AMOTL1: variants seen among roughly 807,000 people sequenced by gnomAD.
The protein encoded by AMOTL1 is angiomotin like 1, also known as angiomotin-like protein 1.
A neutral mutation model predicts 102.9 loss-of-function variants in AMOTL1; 45 were observed. The ratio of observed to expected loss-of-function variants is 0.44; its 90% CI spans 0.34 to 0.56. AMOTL1 has a LOEUF of 0.56. Among genes scored for constraint, AMOTL1 ranks in the 20% least tolerant of loss-of-function variants. AMOTL1 has a pLI of 0.01. For missense variants in AMOTL1, 1,114 were observed against 1,225.6 expected (o/e 0.91, Z 1.36); for synonymous variants, 481 against 484.7 (o/e 0.99, Z 0.10).
chr11:94,768,335 G>GGGAGCGC (rs1950883788), upstream of AMOTL1: 31 of 1,365,002 alleles, frequency 2.3e-5, 1 homozygote, highest in South Asian at 4.6e-4. Flanking sequence ...GCGGGGAGCG[G>GGGAGCGC]GGAGCGCGGA....
intron 1 of AMOTL1, among the ~76,000 whole-genome samples, chr11:94,782,041 A>G (rs1286500253): frequency 6.6e-6 from 1 of 152,072 alleles, no homozygotes; most frequent in Non-Finnish European, 1.5e-5. Flanking sequence ...TCTTTTTAAC[A>G]TCCTGTGTGA....
chr11:94,795,078 C>T lies in AMOTL1; in HGVS notation c.117C>T (p.Ser39=), dbSNP rs764419110. 2.0e-5 allele frequency: 33 copies of T among 1,613,714 alleles called. No individual in the cohort carries two copies. The South Asian group carries it at 3.3e-4, about 16-fold the overall frequency. Residue 39 remains serine, a synonymous_variant, in exon 2 of 13, where the codon TCC becomes TCT. Coordinates refer to ENST00000433060, the MANE Select transcript of AMOTL1 (RefSeq NM_130847.3). Reference sequence around the variant, plus strand: ...TTCTAGAAGACTCCACCTACTTTTCCCCAGACTTTCAGCTCTATTCTGGGA... The same window carrying T: ...TTCTAGAAGACTCCACCTACTTTTCTCCAGACTTTCAGCTCTATTCTGGGA... ...VQVLEDSTYF[S]PDFQLYSGRH...
chr11:94,853,645 A>G (rs944419036), intron 7 of AMOTL1, among the ~76,000 whole-genome samples: 1 of 152,238 alleles, frequency 6.6e-6, no homozygotes, highest in Non-Finnish European at 1.5e-5. Flanking sequence ...TGCAGAAATT[A>G]TTAAGCAATA....
In AMOTL1 at chr11:94,741,096, A is replaced by G. The variant is rs189193118; in HGVS notation, c.136+108A>G. The G allele has an allele frequency of 1.3e-3, 1,199 of 936,600 alleles. 23 individuals carry two copies. In the African/African-American group the frequency reaches 0.019, roughly 15 times the overall value. The allele number at this position is 936,600 out of a possible 1,614,324, so 58.0% of individuals were successfully genotyped here. On this transcript the variant is annotated intron_variant, in intron 3 of 4. Coordinates refer to the AMOTL1 transcript ENST00000299004. Reference sequence around the variant, plus strand: ...CAGCTAGGGATGGGGCTGGGGTTGGAGGGCGGAGGGAAAGGGTCAGGGGAC... The same window carrying G: ...CAGCTAGGGATGGGGCTGGGGTTGGGGGGCGGAGGGAAAGGGTCAGGGGAC...
chr11:94,816,744 C>A (rs911547485), intron 3 of AMOTL1, among the ~76,000 whole-genome samples: 7 of 152,064 alleles, frequency 4.6e-5, no homozygotes, highest in African/African-American at 1.7e-4. Context: ...CAGTCTTAAA[C>A]CCTGACAGCA....
intron 1 of AMOTL1, among the ~76,000 whole-genome samples, chr11:94,787,527 A>C (rs1951210531): frequency 6.6e-6 from 1 of 151,766 alleles, no homozygotes; most frequent in African/African-American, 2.4e-5. Flanking sequence ...GTCTTTACTA[A>C]AAATACAAAA....
In AMOTL1 at chr11:94,821,390, C is replaced by T. The variant is rs1000975832; in HGVS notation, c.1122-140C>T. 5.2e-5 allele frequency: 45 copies of T among 857,460 alleles called. No homozygotes were observed. In the African/African-American group the frequency reaches 7.2e-4, roughly 14 times the overall value. 53.1% of individuals were successfully genotyped at this position (857,460 alleles called of 1,614,324 possible). A position where few individuals can be genotyped will look rare whatever the true frequency, so the allele number is the denominator to read the frequency against. On this transcript the variant is annotated intron_variant, in intron 3 of 12. Transcript: ENST00000433060. ...GGAATGGTGCCAATTGAGATGGGAG[C>T]ACAGTGAATACCTCCCACTGGGAAG...
Position 94,801,378 on chromosome 11 carries a change from G to A in AMOTL1, c.1121+1067G>A, listed in dbSNP as rs572291414. Among the ~76,000 whole-genome samples the A allele has an allele frequency of 1.2e-4, 18 of 152,268 alleles. No individual in the cohort carries two copies. In the South Asian group the frequency reaches 1.5e-3, roughly 12 times the overall value. ...TGTTTGGACAGGGAAGTTGGGACCC[G>A]TTTGGTTGAGGTATGTTTGGACAGG... On this transcript the variant is annotated intron_variant, in intron 3 of 12. Transcript: ENST00000433060.
At chr11:94,797,514 A>G (rs188764879) in intron 2 of AMOTL1, among the ~76,000 whole-genome samples, 74 of 152,354 alleles carry the variant, frequency 4.9e-4, no homozygotes, top group African/African-American at 1.6e-3. Flanking sequence ...TCTTGTATAA[A>G]TAAATAATTG....
intron 1 of AMOTL1, among the ~76,000 whole-genome samples, chr11:94,782,217 A>G (rs1415775340): frequency 6.6e-6 from 1 of 152,226 alleles, no homozygotes; most frequent in African/African-American, 2.4e-5. Flanking sequence ...CATTTGGTAG[A>G]TATTTTCTCC....
intron 2 of AMOTL1, chr11:94,796,866 C>T: frequency 2.3e-6 from 1 of 428,768 alleles, no homozygotes; most frequent in South Asian, 9.9e-5. Context: ...TGGCATATGT[C>T]TATTTACATA....
chr11:94,750,879 G>A (rs73530039), intron 3 of AMOTL1, among the ~76,000 whole-genome samples: 2 of 152,150 alleles, frequency 1.3e-5, no homozygotes, highest in African/African-American at 2.4e-5. Flanking sequence ...GATTAATCTT[G>A]TTGGGCACAT....
At chr11:94,730,635 C>G (rs1216370125) in intron 2 of AMOTL1, among the ~76,000 whole-genome samples, 1 of 152,138 alleles carries the variant, frequency 6.6e-6, no homozygotes, top group Non-Finnish European at 1.5e-5. Context: ...ATGGCAAATT[C>G]ATGGTGTATA....
chr11:94,792,313 C>T (rs1326433745), intron 1 of AMOTL1, among the ~76,000 whole-genome samples: 1 of 152,088 alleles, frequency 6.6e-6, no homozygotes, highest in Non-Finnish European at 1.5e-5. Context: ...CACACCGGGG[C>T]CTGACACTGA....
intron 6 of AMOTL1, among the ~76,000 whole-genome samples, chr11:94,832,295 A>C (rs1238324783): frequency 1.3e-5 from 2 of 152,226 alleles, no homozygotes; most frequent in Non-Finnish European, 2.9e-5. Flanking sequence ...CACAAAGTTA[A>C]GACAATTCAG....
chr11:94,771,265 G>GC (rs199764906), intron 1 of AMOTL1, among the ~76,000 whole-genome samples: 29 of 146,364 alleles, frequency 2.0e-4, no homozygotes, highest in African/African-American at 6.2e-4. Flanking sequence ...GGGTTGGGGG[G>GC]GGGGTGCGGT....
chr11:94,768,616 G>A (rs1950892217), intron 1 of AMOTL1, 56 bp downstream of exon 1: 4 of 1,557,134 alleles, frequency 2.6e-6, no homozygotes, highest in South Asian at 2.4e-5. Context: ...CCCACGCGAA[G>A]AACCCAGTCG....
rs551220386 is a variant in AMOTL1 at position 94,840,654 on chromosome 11, G to GTATATA, written c.1648+9136_1648+9141dup. ...CATTCAGAGGGGCCACTTAAAAAAC[G>GTATATA]TATATATATATATATATATATATAT... On this transcript the variant is annotated intron_variant, in intron 6 of 12. Transcript: ENST00000433060. Among the ~76,000 whole-genome samples the GTATATA allele has an allele frequency of 5.8e-3, 646 of 111,198 alleles. 4 individuals are homozygous for GTATATA. The highest frequency in any genetic ancestry group is 0.023 in the African/African-American group (585 of 24,910). 73.0% of individuals were successfully genotyped at this position (111,198 alleles called of 152,430 possible).
intron 4 of AMOTL1, among the ~76,000 whole-genome samples, chr11:94,826,751 G>A (rs1951972759): frequency 1.3e-5 from 2 of 152,166 alleles, no homozygotes; most frequent in Non-Finnish European, 2.9e-5. Context: ...ACCACACTGG[G>A]AATCAAATTT....
Sources: gnomAD v4.1 joint callset for allele counts (sites outside exome capture counted in the v4.1 genomes callset) on GRCh38, gnomAD v4.1.1 for gene constraint, MANE v1.5 for transcripts, NCBI Gene and HGNC (gene_info 2026-07-23, HGNC 2026-07-21) for gene names.